Variants in PLCB4 observed in about 807,000 individuals in gnomAD.
PLCB4 encodes the protein phospholipase C beta 4.
In PLCB4, 77 loss-of-function variants were observed where a neutral mutation model predicts 178.8. That is an observed-to-expected ratio of 0.43 (90% CI 0.36 to 0.52). PLCB4 has a LOEUF of 0.52. Ranked by LOEUF, PLCB4 falls within the 20% of genes least tolerant of loss-of-function variation. The pLI is 0.00. For missense variants in PLCB4, 1,024 were observed against 1,453.4 expected (o/e 0.70, Z 4.80); for synonymous variants, 496 against 490.8 (o/e 1.01, Z -0.14).
At chr20:9,118,262 C>T (rs1191751248) in intron 2 of PLCB4, among the ~76,000 whole-genome samples, 2 of 120,092 alleles carry the variant, frequency 1.7e-5, no homozygotes, top group East Asian at 5.6e-4. Context: ...TGATATTCCC[C>T]TTCCTGTGTC....
chr20:9,339,065 C>T, intron 7 of PLCB4, 28 bp downstream of exon 7: 14 of 1,577,492 alleles, frequency 8.9e-6, no homozygotes, highest in Non-Finnish European at 1.2e-5. Flanking sequence ...GCCTCCTTCT[C>T]TTCCCCACCA....
At chr20:9,140,112 T>TAATATGCGTCTTA (rs747076071) in intron 2 of PLCB4, among the ~76,000 whole-genome samples, 2 of 152,098 alleles carry the variant, frequency 1.3e-5, no homozygotes, top group Non-Finnish European at 2.9e-5. Context: ...TAAGTTTGTC[T>TAATATGCGTCTTA]AATATGCGTC....
intron 4 of PLCB4, among the ~76,000 whole-genome samples, chr20:9,310,201 T>C (rs528929086): frequency 6.6e-6 from 1 of 152,178 alleles, no homozygotes; most frequent in East Asian, 1.9e-4. Context: ...AAAAGGTTCG[T>C]TTCTATGGTT....
At chr20:9,470,285 C>A (rs1421235070) in intron 36 of PLCB4, among the ~76,000 whole-genome samples, 1 of 151,826 alleles carries the variant, frequency 6.6e-6, no homozygotes, top group African/African-American at 2.4e-5. Context: ...GAGCCGAGAT[C>A]CTGCCATTGC....
intron 3 of PLCB4, among the ~76,000 whole-genome samples, 199 bp from the exon 4 acceptor site, chr20:9,307,601 C>T (rs2094786073): frequency 6.6e-6 from 1 of 151,340 alleles, no homozygotes; most frequent in Non-Finnish European, 1.5e-5. Flanking sequence ...AAATGATCAC[C>T]TCTGGTATTT....
At chr20:9,421,112 G>GT (rs991564435) in intron 26 of PLCB4, among the ~76,000 whole-genome samples, 185 bp from the exon 27 acceptor site, 2 of 151,918 alleles carry the variant, frequency 1.3e-5, no homozygotes, top group African/African-American at 4.8e-5. Context: ...AACAGCTGGG[G>GT]TTTTTTTGCC....
At chr20:9,116,001 G>A (rs866054926) in intron 2 of PLCB4, among the ~76,000 whole-genome samples, 1 of 151,902 alleles carries the variant, frequency 6.6e-6, no homozygotes, top group Non-Finnish European at 1.5e-5. Context: ...TTTAACATAA[G>A]AGCCAATATC....
chr20:9,163,516 G>A lies in PLCB4; in HGVS notation c.-78-53874G>A, dbSNP rs868784967. On this transcript the variant is annotated intron_variant, in intron 2 of 39. Coordinates refer to ENST00000378473, the MANE Select transcript of PLCB4 (RefSeq NM_001377142.1). ...TGTTCCTCTTTTGATGTTTTGTTTC[G>A]TAGATTATACAGTATCCTCCATGTT... Among the ~76,000 whole-genome samples, 7 of 151,846 alleles carry A rather than the reference G, an allele frequency of 4.6e-5. No individual in the cohort carries two copies. The South Asian group carries it at 6.2e-4, about 14-fold the overall frequency.
chr20:9,254,405 A>G (rs1569024715), intron 3 of PLCB4, among the ~76,000 whole-genome samples: 1 of 152,148 alleles, frequency 6.6e-6, no homozygotes, highest in Non-Finnish European at 1.5e-5. Flanking sequence ...TAAAAATGTT[A>G]TTGTCTTGGC....
intron 2 of PLCB4, among the ~76,000 whole-genome samples, chr20:9,133,646 A>G (rs1296122484): frequency 1.3e-5 from 2 of 152,134 alleles, no homozygotes; most frequent in Non-Finnish European, 2.9e-5. Context: ...ATGGCTAGGA[A>G]GTATTTGATG....
intron 2 of PLCB4, among the ~76,000 whole-genome samples, chr20:9,167,784 A>G (rs949046131): frequency 3.9e-5 from 6 of 152,168 alleles, no homozygotes; most frequent in South Asian, 2.1e-4. Context: ...CATATTTCAT[A>G]TTTGCGTACT....
At chr20:9,154,381 T>G (rs575066063) in intron 2 of PLCB4, among the ~76,000 whole-genome samples, 1 of 152,306 alleles carries the variant, frequency 6.6e-6, no homozygotes, top group South Asian at 2.1e-4. Context: ...GAATGACTAT[T>G]GAGTTATAAC....
chr20:9,245,267 G>A lies in PLCB4; in HGVS notation c.-16+27815G>A, dbSNP rs186126227. Among the ~76,000 whole-genome samples the A allele has an allele frequency of 6.6e-5, 10 of 152,226 alleles. No homozygotes were observed. In the East Asian group the frequency reaches 1.9e-3, roughly 29 times the overall value. On this transcript the variant is annotated intron_variant, in intron 3 of 39. Transcript: ENST00000378473. ...AGTCCCAAGGTCAGTCCAGAATTTTGGGGAGTGAGGAAATAGATTCCACTT... is the reference window on the plus strand; with the variant it reads ...AGTCCCAAGGTCAGTCCAGAATTTTAGGGAGTGAGGAAATAGATTCCACTT...
chr20:9,098,386 T>A (rs776629605), intron 2 of PLCB4, among the ~76,000 whole-genome samples: 1 of 152,068 alleles, frequency 6.6e-6, no homozygotes, highest in African/African-American at 2.4e-5. Flanking sequence ...ATAGAAAAAA[T>A]TCGACTTTCA....
At chr20:9,281,462 A>G (rs1403727783) in intron 3 of PLCB4, among the ~76,000 whole-genome samples, 1 of 151,996 alleles carries the variant, frequency 6.6e-6, no homozygotes, top group Non-Finnish European at 1.5e-5. Flanking sequence ...TATTTAAAAT[A>G]AGTCATGGTA....
intron 1 of PLCB4, among the ~76,000 whole-genome samples, chr20:9,082,834 T>C (rs2090218748): frequency 6.6e-6 from 1 of 152,208 alleles, no homozygotes; most frequent in Non-Finnish European, 1.5e-5. Flanking sequence ...GAGGGATTTC[T>C]TGTGCAGCTA....
At chr20:9,171,197 T>C (rs1249438044) in intron 2 of PLCB4, among the ~76,000 whole-genome samples, 2 of 152,200 alleles carry the variant, frequency 1.3e-5, no homozygotes, top group Non-Finnish European at 2.9e-5. Flanking sequence ...GAAATCCACA[T>C]TGTATAACTT....
chr20:9,410,495 G>A (rs933717030), intron 24 of PLCB4, among the ~76,000 whole-genome samples: 5 of 152,154 alleles, frequency 3.3e-5, no homozygotes, highest in African/African-American at 1.2e-4. Context: ...CGGATGGGAA[G>A]AAAGAAAAAA....
chr20:9,170,912 T>C (rs554486323), intron 2 of PLCB4, among the ~76,000 whole-genome samples: 1 of 152,320 alleles, frequency 6.6e-6, no homozygotes, highest in East Asian at 1.9e-4. Flanking sequence ...ATATCTAACA[T>C]AGCGGTAGGG....
Sources: gnomAD v4.1 joint callset for allele counts (sites outside exome capture counted in the v4.1 genomes callset) on GRCh38, gnomAD v4.1.1 for gene constraint, MANE v1.5 for transcripts, NCBI Gene and HGNC (gene_info 2026-07-23, HGNC 2026-07-21) for gene names.